PRKD3: variants seen among roughly 807,000 people sequenced by gnomAD.
The protein encoded by PRKD3 is protein kinase D3, also known as serine/threonine-protein kinase D3.
Under a neutral mutation model 99.2 loss-of-function variants are expected in PRKD3, and 47 were observed. The observed-to-expected ratio is 0.47, with a 90% CI of 0.38 to 0.60. The LOEUF (loss-of-function observed/expected upper bound fraction) is 0.60. Ranked by LOEUF, PRKD3 falls within the 20% of genes least tolerant of loss-of-function variation. PRKD3 has a pLI of 0.00. For missense variants in PRKD3, 1,019 were observed against 1,088.4 expected, an observed-to-expected ratio of 0.94 and a Z score of 0.90; for synonymous variants, 392 against 355.4, an observed-to-expected ratio of 1.10 and a Z score of -1.16.
At chr2:37,305,550 G>A (rs1671124237) in intron 2 of PRKD3, among the ~76,000 whole-genome samples, 1 of 152,208 alleles carries the variant, frequency 6.6e-6, no homozygotes, top group African/African-American at 2.4e-5. Context: ...GTGCTATTGA[G>A]TGCAGTCAAT....
chr2:37,307,815 G>C (rs1278156877), intron 2 of PRKD3, among the ~76,000 whole-genome samples: 1 of 152,186 alleles, frequency 6.6e-6, no homozygotes, highest in African/African-American at 2.4e-5. Flanking sequence ...AACGCTTTTG[G>C]TCATATCCAA....
At chr2:37,317,273 G>T in intron 1 of PRKD3, 94 bp from the exon 2 acceptor site, 1 of 547,800 alleles carries the variant, frequency 1.8e-6, no homozygotes, top group Non-Finnish European at 2.3e-6. Flanking sequence ...GACAATTTTT[G>T]GTCATATGCT....
At chr2:37,320,518 G>A (rs866126858) in intron 1 of PRKD3, among the ~76,000 whole-genome samples, 1 of 132,552 alleles carries the variant, frequency 7.5e-6, no homozygotes, top group Non-Finnish European at 1.5e-5. Context: ...TGCAGCCTCC[G>A]CCTCCCGGGT....
chr2:37,269,356 A>G (rs1399978165), intron 13 of PRKD3: 2 of 446,262 alleles, frequency 4.5e-6, no homozygotes, highest in African/African-American at 3.9e-5. Flanking sequence ...TCCGACAAAC[A>G]TCTGTATGTG....
intron 17 of PRKD3, 25 bp downstream of exon 17, chr2:37,256,627 AATTTTTTTTT>A: frequency 8.0e-7 from 1 of 1,247,324 alleles, no homozygotes; most frequent in Non-Finnish European, 1.0e-6. Flanking sequence ...ACATAGCCAA[AATTTTTTTTT>A]TTTTTTTTTT....
At chr2:37,312,244 G>C (rs528529078) in intron 2 of PRKD3, among the ~76,000 whole-genome samples, 1 of 152,240 alleles carries the variant, frequency 6.6e-6, no homozygotes, top group African/African-American at 2.4e-5. Flanking sequence ...GCCTGCATTT[G>C]TCAAAATATA....
intron 2 of PRKD3, 43 bp from the exon 3 acceptor site, chr2:37,293,314 A>G: frequency 6.8e-7 from 1 of 1,469,846 alleles, no homozygotes; most frequent in Non-Finnish European, 9.2e-7. Flanking sequence ...ACAGTTTTCT[A>G]TTTTTATAAG....
chr2:37,281,763 T>C lies in PRKD3; in HGVS notation c.988+779A>G, dbSNP rs991852916. ...CCACAAGAGAAAATGTTAATTAAACTCTCCCCAAGAGAATTTTCATTCCTT... is the reference window on the plus strand; with the variant it reads ...CCACAAGAGAAAATGTTAATTAAACCCTCCCCAAGAGAATTTTCATTCCTT... On this transcript the variant is annotated intron_variant, in intron 7 of 18. Transcript: ENST00000234179. 2.0e-5 allele frequency among the ~76,000 whole-genome samples: 3 copies of C among 152,120 alleles called. 1 individual carries two copies. Among genetic ancestry groups the C allele is most frequent in the African/African-American group, 7.2e-5 (3 of 41,418 alleles).
intron 2 of PRKD3, among the ~76,000 whole-genome samples, chr2:37,297,714 T>C (rs1670735831): frequency 1.3e-5 from 2 of 152,136 alleles, no homozygotes; most frequent in South Asian, 2.1e-4. Flanking sequence ...CTACTGGAAT[T>C]TGTCTGATGT....
At chr2:37,257,352 T>C (rs561978723) in intron 16 of PRKD3, among the ~76,000 whole-genome samples, 5 of 152,162 alleles carry the variant, frequency 3.3e-5, no homozygotes, top group African/African-American at 9.6e-5. Flanking sequence ...AGGTACTCAA[T>C]GTTTGCTGAA....
At chr2:37,281,679 T>C (rs767137691) in intron 7 of PRKD3, among the ~76,000 whole-genome samples, 4 of 152,186 alleles carry the variant, frequency 2.6e-5, no homozygotes, top group Non-Finnish European at 5.9e-5. Context: ...ACCTAGCCTA[T>C]GGTATTTTGT....
intron 2 of PRKD3, among the ~76,000 whole-genome samples, chr2:37,313,279 G>A (rs530087205): frequency 6.6e-6 from 1 of 151,856 alleles, no homozygotes; most frequent in African/African-American, 2.4e-5. Context: ...ACAACAGGTG[G>A]TGGGCCAGAT....
intron 10 of PRKD3, among the ~76,000 whole-genome samples, chr2:37,275,355 A>G (rs1305469532): frequency 2.6e-5 from 4 of 152,172 alleles, no homozygotes; most frequent in Non-Finnish European, 5.9e-5. Context: ...GAAGACTGTA[A>G]AAAGGAGATT....
chr2:37,283,786 A>T lies in PRKD3; in HGVS notation c.911-1167T>A, dbSNP rs184616433. On this transcript the variant is annotated intron_variant, in intron 6 of 18. Transcript: ENST00000234179. ...TGGATCACTTGAAGCCAGGAGTTTGACACCAGCCCGGCCAACGTGGCAAAA... is the reference window on the plus strand; with the variant it reads ...TGGATCACTTGAAGCCAGGAGTTTGTCACCAGCCCGGCCAACGTGGCAAAA... Among the ~76,000 whole-genome samples, 388 of 152,028 alleles carry T rather than the reference A, an allele frequency of 2.6e-3. 1 individual carries two copies. The highest frequency in any genetic ancestry group is 6.8e-3 in the Middle Eastern group (2 of 294).
intron 10 of PRKD3, among the ~76,000 whole-genome samples, chr2:37,275,562 CAACA>C (rs968525065): frequency 6.6e-6 from 1 of 152,206 alleles, no homozygotes; most frequent in Non-Finnish European, 1.5e-5. Context: ...TACACGACAA[CAACA>C]AACAGTCTGG....
intron 18 of PRKD3, 194 bp from the exon 19 acceptor site, chr2:37,253,544 A>G: frequency 2.1e-6 from 1 of 484,304 alleles, no homozygotes; most frequent in Admixed American, 3.9e-5. Context: ...AATTTTTCAA[A>G]CTCAGAGTCT....
chr2:37,321,951 G>C (rs1223996295), intron 1 of PRKD3, among the ~76,000 whole-genome samples: 1 of 152,200 alleles, frequency 6.6e-6, no homozygotes, highest in Non-Finnish European at 1.5e-5. Flanking sequence ...ACTCAGCAAA[G>C]GCTAAAGTGA....
chr2:37,323,144 A>T (rs1221999464), intron 1 of PRKD3, among the ~76,000 whole-genome samples: 1 of 151,614 alleles, frequency 6.6e-6, no homozygotes, highest in Admixed American at 6.6e-5. Context: ...ACGAACAGAA[A>T]GAAATTTCTA....
Position 37,278,069 on chromosome 2 carries a change from TAAAGACAA to T in PRKD3, c.1173-88_1173-81del, listed in dbSNP as rs1167176681. ...ATACTGTAGGAACATGAAGCCTTTTTAAAGACAACTGAGCTAAAATTTTTCAAAATATC... is the reference window on the plus strand; with the variant it reads ...ATACTGTAGGAACATGAAGCCTTTTTCTGAGCTAAAATTTTTCAAAATATC... On this transcript the variant is annotated intron_variant, in intron 8 of 18. Coordinates refer to ENST00000234179, the MANE Select transcript of PRKD3 (RefSeq NM_005813.6). The T allele has an allele frequency of 8.0e-6, 10 of 1,246,580 alleles. No individual in the cohort carries two copies. The South Asian group carries it at 1.9e-4, about 23-fold the overall frequency. 77.2% of individuals were successfully genotyped at this position (1,246,580 alleles called of 1,614,324 possible).
Sources: allele counts gnomAD v4.1 joint callset (sites outside exome capture counted in the v4.1 genomes callset), GRCh38; gene constraint gnomAD v4.1.1; transcripts MANE v1.5; gene names NCBI Gene and HGNC (gene_info 2026-07-23, HGNC 2026-07-21).